Variants in SGIP1 observed in about 807,000 individuals in gnomAD.
SGIP1 encodes the protein SH3GL interacting endocytic adaptor 1.
In SGIP1, 38 loss-of-function variants were observed where a neutral mutation model predicts 107.5. The observed-to-expected ratio is 0.35, with a 90% CI of 0.27 to 0.46. The LOEUF is 0.46. Among genes scored for constraint, SGIP1 ranks in the 20% least tolerant of loss-of-function variants. SGIP1 has a pLI of 1.00. For synonymous variants in SGIP1, 365 were observed against 366.1 expected, an observed-to-expected ratio of 1.00 and a Z score of 0.03; for missense variants, 929 against 1,019.5, an observed-to-expected ratio of 0.91 and a Z score of 1.21.
At chr1:66,557,049 G>A (rs946572392) in intron 1 of SGIP1, among the ~76,000 whole-genome samples, 1 of 152,058 alleles carries the variant, frequency 6.6e-6, no homozygotes, top group Non-Finnish European at 1.5e-5. Flanking sequence ...GTAATTTGTA[G>A]GTACCCTGAG....
At chr1:66,588,911 G>A (rs890585472) in intron 1 of SGIP1, among the ~76,000 whole-genome samples, 4 of 150,052 alleles carry the variant, frequency 2.7e-5, no homozygotes, top group African/African-American at 9.8e-5. Flanking sequence ...CTGTCTCCTT[G>A]GTTTGAGAAC....
chr1:66,679,866 T>C (rs41305642), intron 14 of SGIP1, 114 bp downstream of exon 14: 1 of 967,292 alleles, frequency 1.0e-6, no homozygotes, highest in African/African-American at 1.7e-5. Context: ...ATCACAATGT[T>C]GGCATTCAGT....
chr1:66,673,435 A>C, intron 12 of SGIP1, 69 bp downstream of exon 12: 1 of 1,333,736 alleles, frequency 7.5e-7, no homozygotes, highest in South Asian at 1.5e-5. Context: ...CTTCTAGATT[A>C]AATGTATGTA....
rs2150846104 is a variant in SGIP1, at chr1:66,750,818, A to T, written c.*7723A>T. On this transcript the variant is annotated 3_prime_UTR_variant, in exon 25 of 25. Transcript: ENST00000371037. ...ATTGCAGCAAAGCTCTCTGCTGGGC[A>T]ATGGTGACAGGAAAGTGTGTAATTG... is the stretch of plus-strand genomic sequence containing the variant. 6.6e-6 allele frequency among the ~76,000 whole-genome samples: 1 copy of T among 152,352 alleles called. No homozygotes were observed.
At chr1:66,578,087 A>C (rs1197896592) in intron 1 of SGIP1, among the ~76,000 whole-genome samples, 1 of 152,068 alleles carries the variant, frequency 6.6e-6, no homozygotes, top group East Asian at 1.9e-4. Context: ...ATTTTTTTCC[A>C]TTTTTAGAAA....
intron 1 of SGIP1, among the ~76,000 whole-genome samples, chr1:66,596,776 G>A (rs567564035): frequency 2.7e-4 from 41 of 151,894 alleles, no homozygotes; most frequent in Non-Finnish European, 4.9e-4. Flanking sequence ...GGTATGTGGG[G>A]TCTATTATTT....
chr1:66,733,750 A>T lies in SGIP1; in HGVS notation c.1901A>T (p.Asp634Val). The T allele has an allele frequency of 6.2e-7, 1 of 1,612,610 alleles. No individual in the cohort carries two copies. The highest frequency in any genetic ancestry group is 8.5e-7 in the Non-Finnish European group (1 of 1,179,248). The change falls in exon 21 of 25, where the codon GAT becomes GTT. Residue 634 changes from aspartate to valine, a missense_variant and splice_region_variant. By Grantham distance (152) the Asp-to-Val change is radical. Transcript: ENST00000371037. Reference sequence around the variant, plus strand: ...CATTTTTCTTCCCAAATGAACAGTGATAATACACAAAATGATGCCAATACC... The same window carrying T: ...CATTTTTCTTCCCAAATGAACAGTGTTAATACACAAAATGATGCCAATACC... The part of the protein sequence containing the change: ...VLPNPQLLCC[D>V]NTQNDANTKE...
intron 19 of SGIP1, among the ~76,000 whole-genome samples, chr1:66,726,902 TTGAGACTACAGTGAGCTATG>T (rs1208773578): frequency 6.6e-6 from 1 of 152,134 alleles, no homozygotes; most frequent in Non-Finnish European, 1.5e-5. Context: ...GGCCAGGAGT[TTGAGACTACAGTGAGCTATG>T]CTCACACGAC....
At chr1:66,625,734 G>C (rs1157559483) in intron 1 of SGIP1, 113 bp from the exon 2 acceptor site, 5 of 880,530 alleles carry the variant, frequency 5.7e-6, no homozygotes, top group Non-Finnish European at 8.8e-6. Flanking sequence ...TACAACTTCA[G>C]AAACTTCATT....
In SGIP1 at chr1:66,642,835, G is replaced by A. The variant is rs767346837; in HGVS notation, c.254G>A (p.Gly85Asp). 12 of 1,612,542 alleles carry A rather than the reference G, an allele frequency of 7.4e-6. No individual in the cohort carries two copies. Among genetic ancestry groups the A allele is most frequent in the Non-Finnish European group, 1.0e-5 (12 of 1,179,326 alleles). The change falls in exon 6 of 25, where the codon GGC becomes GAC. Residue 85 changes from glycine (G) to aspartate (D), a missense_variant. This residue lies in a region of SGIP1 where 588 missense variants were observed against 588.6 expected (regional missense o/e 1.00). Coordinates refer to ENST00000371037, the MANE Select transcript of SGIP1 (RefSeq NM_032291.4). ...RYNSPELDEE[G>D]YSIRPEEPGS... ...AACTCACCTGAGCTGGATGAAGAAG[G>A]CTACAGCATCAGACCCGAGGAACCC...
At chr1:66,711,605 A>G (rs1339893550) in intron 18 of SGIP1, among the ~76,000 whole-genome samples, 3 of 152,024 alleles carry the variant, frequency 2.0e-5, no homozygotes, top group South Asian at 2.1e-4. Context: ...TCTTCTATGC[A>G]CTCTGAGACT....
intron 2 of SGIP1, among the ~76,000 whole-genome samples, chr1:66,632,692 C>T (rs902698335): frequency 6.6e-6 from 1 of 152,094 alleles, no homozygotes; most frequent in African/African-American, 2.4e-5. Flanking sequence ...GGTTTACTTG[C>T]CTCATGATAG....
intron 1 of SGIP1, among the ~76,000 whole-genome samples, chr1:66,561,215 A>G (rs1254803725): frequency 6.6e-6 from 1 of 152,092 alleles, no homozygotes; most frequent in African/African-American, 2.4e-5. Context: ...AAACTGAAGG[A>G]CAGAAAGATC....
At chr1:66,539,177 TG>T (rs1420247398) in intron 1 of SGIP1, among the ~76,000 whole-genome samples, 2 of 152,200 alleles carry the variant, frequency 1.3e-5, no homozygotes, top group African/African-American at 4.8e-5. Context: ...ATTATGAATT[TG>T]GGCTCATGTG....
intron 1 of SGIP1, among the ~76,000 whole-genome samples, chr1:66,562,669 C>A (rs1337214670): frequency 6.6e-6 from 1 of 151,994 alleles, no homozygotes; most frequent in Non-Finnish European, 1.5e-5. Context: ...TACTTTGGGC[C>A]TTCTTAGATG....
chr1:66,675,935 C>T (rs201729486), intron 12 of SGIP1, among the ~76,000 whole-genome samples: 9 of 152,096 alleles, frequency 5.9e-5, no homozygotes, highest in East Asian at 3.8e-4. Context: ...CTGCTTTTAC[C>T]GTGGACACCT....
intron 19 of SGIP1, among the ~76,000 whole-genome samples, chr1:66,725,550 C>G (rs902141227): frequency 1.3e-5 from 2 of 152,230 alleles, no homozygotes; most frequent in Non-Finnish European, 2.9e-5. Flanking sequence ...TAAGCATTTA[C>G]TGTGTCCCAA....
intron 1 of SGIP1, 98 bp downstream of exon 1, chr1:66,534,466 A>G: frequency 7.1e-7 from 1 of 1,401,684 alleles, no homozygotes; most frequent in Non-Finnish European, 1.0e-6. Flanking sequence ...CGGTTCTAGA[A>G]CCTGGTTGCC....
chr1:66,655,444 A>T (rs1357574128), intron 7 of SGIP1, among the ~76,000 whole-genome samples: 1 of 152,126 alleles, frequency 6.6e-6, no homozygotes, highest in African/African-American at 2.4e-5. Flanking sequence ...TTAAAATTGC[A>T]TTTGCCGTCT....
Sources: gnomAD v4.1 joint callset for allele counts (sites outside exome capture counted in the v4.1 genomes callset) on GRCh38, gnomAD v4.1.1 for gene constraint, gnomAD v4.1.1 regional missense constraint, MANE v1.5 for transcripts, NCBI Gene and HGNC (gene_info 2026-07-23, HGNC 2026-07-21) for gene names.